The following LMLN variants were observed in gnomAD, a reference collection of about 807,000 sequenced individuals.
LMLN encodes the protein leishmanolysin like peptidase, also known as leishmanolysin-like peptidase.
A neutral mutation model predicts 92.3 loss-of-function variants in LMLN; 70 were observed. The observed-to-expected ratio is 0.76, with a 90% CI of 0.63 to 0.92. The LOEUF (loss-of-function observed/expected upper bound fraction) is 0.92. LMLN is among the 40% of genes least tolerant of loss of function. The pLI, the probability that LMLN is intolerant of heterozygous loss-of-function variation, is 0.00. For missense variants in LMLN, 691 were observed against 814.6 expected (o/e 0.85, Z 1.85); for synonymous variants, 308 against 296.2 (o/e 1.04, Z -0.41).
At chr3:198,038,724 C>A in exon 16 of LMLN, 1 of 1,399,604 alleles carries the variant, frequency 7.1e-7, no homozygotes, top group Non-Finnish European at 1.0e-6. Flanking sequence ...GTGAACAAAG[C>A]ACAAAGTTTG....
At chr3:198,023,486 G>A (rs1298503001) in intron 13 of LMLN, among the ~76,000 whole-genome samples, 1 of 152,100 alleles carries the variant, frequency 6.6e-6, no homozygotes, top group Non-Finnish European at 1.5e-5. Context: ...ACCACATCCA[G>A]CCCTGAACCC....
chr3:198,026,549 C>T (rs529198212), intron 14 of LMLN, among the ~76,000 whole-genome samples: 1 of 152,280 alleles, frequency 6.6e-6, no homozygotes, highest in East Asian at 1.9e-4. Context: ...AACTGATCCT[C>T]CTGCCTCAGC....
intron 11 of LMLN, among the ~76,000 whole-genome samples, chr3:198,001,154 T>A (rs1443254779): frequency 6.6e-6 from 1 of 152,222 alleles, no homozygotes; most frequent in Non-Finnish European, 1.5e-5. Flanking sequence ...CCTGTTAGCA[T>A]CATATACTTC....
At chr3:198,009,986 T>C (rs961968737) in intron 11 of LMLN, among the ~76,000 whole-genome samples, 1 of 152,210 alleles carries the variant, frequency 6.6e-6, no homozygotes, top group African/African-American at 2.4e-5. Flanking sequence ...TAATTTTGCA[T>C]GTTCTCTTTA....
intron 8 of LMLN, among the ~76,000 whole-genome samples, chr3:197,986,496 T>C (rs958654290): frequency 6.6e-6 from 1 of 152,084 alleles, no homozygotes; most frequent in Admixed American, 6.6e-5. Context: ...ACGAAGATAA[T>C]AGAGTAATAA....
At chr3:197,984,561 C>T (rs1241921503) in intron 7 of LMLN, among the ~76,000 whole-genome samples, 2 of 151,802 alleles carry the variant, frequency 1.3e-5, no homozygotes, top group African/African-American at 4.8e-5. Flanking sequence ...TCAAGTGATC[C>T]CACCTTAGCC....
intron 13 of LMLN, among the ~76,000 whole-genome samples, chr3:198,024,341 G>C (rs1051616837): frequency 1.3e-5 from 2 of 150,174 alleles, no homozygotes; most frequent in African/African-American, 4.9e-5. Context: ...TCAGCCTCCC[G>C]AGTAGCTGGG....
exon 5 of LMLN, chr3:197,976,635 G>T: frequency 6.3e-7 from 1 of 1,599,182 alleles, no homozygotes; most frequent in Non-Finnish European, 8.5e-7. Context: ...GAAGGAAAAC[G>T]ATCCTCACAG....
exon 16 of LMLN, chr3:198,041,257 A>C (rs1723396739): frequency 6.6e-6 from 1 of 152,236 alleles, no homozygotes; most frequent in Admixed American, 6.5e-5. Context: ...AAACATAGTC[A>C]ACTTAACTAA....
chr3:197,980,308 T>C lies in LMLN; in HGVS notation c.550-18T>C. 6.2e-7 allele frequency: 1 copy of C among 1,600,370 alleles called. No homozygotes were observed. The highest frequency in any genetic ancestry group is 8.5e-7 in the Non-Finnish European group (1 of 1,171,494). On this transcript the variant is annotated intron_variant, in intron 5 of 15. Coordinates refer to ENST00000330198, the Ensembl canonical transcript of LMLN. ...CTTTGTCTCTGTTCTGGCTTTCTGA[T>C]GTCTCCCGTGGGTGCAGCAATGCCG...
At chr3:197,979,050 T>C (rs1397825008) in intron 5 of LMLN, among the ~76,000 whole-genome samples, 1 of 152,162 alleles carries the variant, frequency 6.6e-6, no homozygotes, top group Non-Finnish European at 1.5e-5. Flanking sequence ...CATATTGTCA[T>C]TAACCATAGT....
At chr3:198,020,488 A>G (rs1163466148) in intron 12 of LMLN, among the ~76,000 whole-genome samples, 2 of 152,262 alleles carry the variant, frequency 1.3e-5, no homozygotes, top group Admixed American at 6.5e-5. Flanking sequence ...TAGTAACTAT[A>G]TTCATAGGCA....
intron 1 of LMLN, 28 bp downstream of exon 1, chr3:197,960,468 C>T (rs1382764641): frequency 1.9e-6 from 3 of 1,601,826 alleles, no homozygotes; most frequent in Admixed American, 1.7e-5. Context: ...GGAGCGGGCC[C>T]TCTCAGGGTA....
intron 8 of LMLN, among the ~76,000 whole-genome samples, chr3:197,986,874 C>G (rs1159616905): frequency 1.3e-5 from 2 of 148,342 alleles, no homozygotes; most frequent in East Asian, 3.9e-4. Flanking sequence ...CAGTCTCGCT[C>G]TGTCGTTCAG....
intron 6 of LMLN, 36 bp from the exon 7 acceptor site, chr3:197,983,907 G>T: frequency 7.6e-7 from 1 of 1,322,200 alleles, no homozygotes; most frequent in Non-Finnish European, 1.1e-6. Context: ...TATTGTTCTG[G>T]AATGTAATTT....
rs1385096833 is a variant in LMLN, at chr3:197,988,056, T to C, written c.929+2166T>C. Among the ~76,000 whole-genome samples the C allele has an allele frequency of 2.6e-5, 4 of 152,180 alleles. No homozygotes were observed. In the East Asian group the frequency reaches 5.8e-4, roughly 22 times the overall value. ...AGAGATATTACTCCTTTTTCATGCTTATTATAAATATTTCTCCTAGTTTAT... is the reference window on the plus strand; with the variant it reads ...AGAGATATTACTCCTTTTTCATGCTCATTATAAATATTTCTCCTAGTTTAT... On this transcript the variant is annotated intron_variant, in intron 8 of 15. Coordinates refer to ENST00000330198, the Ensembl canonical transcript of LMLN.
intron 14 of LMLN, among the ~76,000 whole-genome samples, chr3:198,035,255 G>A (rs1260754882): frequency 6.7e-6 from 1 of 149,486 alleles, no homozygotes; most frequent in Non-Finnish European, 1.5e-5. Context: ...TTTGGGAAAA[G>A]TGTCCATAGC....
intron 14 of LMLN, among the ~76,000 whole-genome samples, chr3:198,029,811 GACTT>G (rs1215633862): frequency 3.3e-5 from 5 of 152,130 alleles, no homozygotes; most frequent in South Asian, 2.1e-4. Flanking sequence ...AGTCAGGGGA[GACTT>G]ACTATTTGCT....
At chr3:198,038,480 T>A (rs1320495737) in intron 15 of LMLN, 87 bp from the exon 17 acceptor site, 34 of 948,542 alleles carry the variant, frequency 3.6e-5, no homozygotes, top group Non-Finnish European at 5.3e-5. Context: ...TTTTTAATAA[T>A]CACTGCTCTT....
Sources: gnomAD v4.1 joint callset for allele counts (sites outside exome capture counted in the v4.1 genomes callset) on GRCh38, gnomAD v4.1.1 for gene constraint, MANE v1.5 for transcripts, NCBI Gene and HGNC (gene_info 2026-07-23, HGNC 2026-07-21) for gene names.